Variants in ZNF804A observed in about 807,000 individuals in gnomAD.
ZNF804A encodes zinc finger protein 804A.
In ZNF804A, 2 loss-of-function variants were observed where a neutral mutation model predicts 16.5. That is an observed-to-expected ratio of 0.12 (90% CI 0.05 to 0.38). The LOEUF (loss-of-function observed/expected upper bound fraction) is 0.38. Ranked by LOEUF, ZNF804A falls within the 10% of genes least tolerant of loss-of-function variation. ZNF804A has a pLI of 0.99. For missense variants in ZNF804A, 1,473 were observed against 1,390.7 expected (o/e 1.06, Z -0.94); for synonymous variants, 534 against 489.6 (o/e 1.09, Z -1.20).
In ZNF804A at chr2:184,900,699, G is replaced by A. The variant is rs141364227; in HGVS notation, c.256-32904G>A. On this transcript the variant is annotated intron_variant, in intron 2 of 3. Transcript: ENST00000302277. Reference sequence around the variant, plus strand: ...AGGGCAGTTAGCCAGAGAAGACTGGGAATGCTTTGGGGACTGTGATACAGG... The same window carrying A: ...AGGGCAGTTAGCCAGAGAAGACTGGAAATGCTTTGGGGACTGTGATACAGG... Among the ~76,000 whole-genome samples, 172 of 152,228 alleles carry A rather than the reference G, an allele frequency of 1.1e-3. 1 individual carries two copies. The highest frequency in any genetic ancestry group is 4.2e-3 in the Admixed American group (64 of 15,276).
intron 1 of ZNF804A, among the ~76,000 whole-genome samples, chr2:184,740,284 T>G (rs549304347): frequency 3.3e-5 from 5 of 152,310 alleles, no homozygotes; most frequent in Non-Finnish European, 7.4e-5. Flanking sequence ...GGTGAATATA[T>G]TTTAGAAATG....
chr2:184,924,858 C>T (rs994570844), intron 2 of ZNF804A, among the ~76,000 whole-genome samples: 1 of 151,604 alleles, frequency 6.6e-6, no homozygotes, highest in South Asian at 2.1e-4. Context: ...TCCAAAATTC[C>T]TCCTTTTATT....
rs145375645 is a variant in ZNF804A, at chr2:184,832,299, T to C, written c.112-34070T>C. On this transcript the variant is annotated intron_variant, in intron 1 of 3. Coordinates refer to ENST00000302277, the MANE Select transcript of ZNF804A (RefSeq NM_194250.2). ...GCTATGTGCTTAAAGAATGCTGACT[T>C]ATATGACTCCTTTAGGAGTCAAGAA... Among the ~76,000 whole-genome samples, 396 of 152,142 alleles carry C rather than the reference T, an allele frequency of 2.6e-3. 1 individual carries two copies. Among genetic ancestry groups the C allele is most frequent in the African/African-American group, 9.1e-3 (377 of 41,568 alleles).
intron 2 of ZNF804A, among the ~76,000 whole-genome samples, chr2:184,931,289 C>G (rs1685697301): frequency 6.6e-6 from 1 of 152,230 alleles, no homozygotes; most frequent in Non-Finnish European, 1.5e-5. Flanking sequence ...ACTCACATTT[C>G]CCTTCTGCAC....
chr2:184,667,913 T>C (rs1410742530), intron 1 of ZNF804A, among the ~76,000 whole-genome samples: 1 of 151,858 alleles, frequency 6.6e-6, no homozygotes, highest in Non-Finnish European at 1.5e-5. Context: ...TTATTAAGTC[T>C]ATTTCAAAAT....
intron 1 of ZNF804A, among the ~76,000 whole-genome samples, chr2:184,696,201 G>T (rs1484450002): frequency 1.3e-5 from 2 of 152,046 alleles, no homozygotes; most frequent in Non-Finnish European, 2.9e-5. Context: ...CTAAGAATCA[G>T]GTGAGAGAAT....
intron 1 of ZNF804A, among the ~76,000 whole-genome samples, chr2:184,758,959 A>G (rs1429374599): frequency 2.6e-5 from 4 of 152,000 alleles, no homozygotes; most frequent in Middle Eastern, 3.5e-3. Context: ...ATTTTTTGTC[A>G]GGAGATACAT....
chr2:184,630,480 T>C (rs1368811979), intron 1 of ZNF804A, among the ~76,000 whole-genome samples: 1 of 152,160 alleles, frequency 6.6e-6, no homozygotes, highest in African/African-American at 2.4e-5. Flanking sequence ...AGAAGAAATA[T>C]TTTATAGAAA....
chr2:184,763,857 T>C (rs538657331), intron 1 of ZNF804A, among the ~76,000 whole-genome samples: 5 of 151,922 alleles, frequency 3.3e-5, no homozygotes, highest in African/African-American at 9.7e-5. Context: ...TTAGCCAAGA[T>C]AGCCTCGATC....
At chr2:184,847,670 G>A (rs1695541151) in intron 1 of ZNF804A, among the ~76,000 whole-genome samples, 1 of 151,888 alleles carries the variant, frequency 6.6e-6, no homozygotes, top group Admixed American at 6.6e-5. Context: ...ACACCAACTG[G>A]GTTAATGTCA....
At chr2:184,809,384 G>A (rs969539858) in intron 1 of ZNF804A, among the ~76,000 whole-genome samples, 40 of 151,766 alleles carry the variant, frequency 2.6e-4, no homozygotes, top group Non-Finnish European at 3.1e-4. Flanking sequence ...CCTGATATAA[G>A]CCAATATTAA....
In ZNF804A at chr2:184,938,666, A is replaced by T; in HGVS notation, c.3270A>T (p.Leu1090Phe). ...AGCCTTTGCCTTTGCAGCAGTCCTT[A>T]TGTTCTACCTCTGTAACCACTATCC... The part of the protein sequence containing the change: ...PLQPLPLQQS[L>F]CSTSVTTIHH... The change falls in exon 4 of 4, where the codon TTA (leucine) becomes TTT (phenylalanine). Residue 1090 changes from leucine (L) to phenylalanine (F), a missense_variant. Leu to Phe is a conservative substitution (Grantham distance 22). Coordinates refer to ENST00000302277, the MANE Select transcript of ZNF804A (RefSeq NM_194250.2). 1 of 1,613,590 alleles carries T rather than the reference A, an allele frequency of 6.2e-7. No homozygotes were observed. The highest frequency in any genetic ancestry group is 8.5e-7 in the Non-Finnish European group (1 of 1,179,880).
chr2:184,768,468 T>C (rs2105767214), intron 1 of ZNF804A, among the ~76,000 whole-genome samples: 1 of 152,210 alleles, frequency 6.6e-6, no homozygotes, highest in Non-Finnish European at 1.5e-5. Flanking sequence ...AAAGATGAAA[T>C]TTAATTTCAA....
chr2:184,628,909 AT>A (rs1333959941), intron 1 of ZNF804A, among the ~76,000 whole-genome samples: 3 of 152,158 alleles, frequency 2.0e-5, no homozygotes, highest in Non-Finnish European at 4.4e-5. Context: ...CAAATAATAC[AT>A]TTTTTACACA....
chr2:184,862,904 T>C (rs897641147), intron 1 of ZNF804A, among the ~76,000 whole-genome samples: 1 of 152,150 alleles, frequency 6.6e-6, no homozygotes, highest in African/African-American at 2.4e-5. Context: ...TTGTGGTTTC[T>C]CTACTGTTTT....
intron 1 of ZNF804A, among the ~76,000 whole-genome samples, chr2:184,828,775 T>C (rs1183204593): frequency 1.3e-5 from 2 of 151,898 alleles, no homozygotes; most frequent in Non-Finnish European, 2.9e-5. Context: ...TAGAGCTTAG[T>C]AGCTTGATAT....
At chr2:184,703,647 G>A (rs542165046) in intron 1 of ZNF804A, among the ~76,000 whole-genome samples, 2 of 127,208 alleles carry the variant, frequency 1.6e-5, no homozygotes, top group Admixed American at 1.1e-4. Context: ...CCGAGATTGC[G>A]CCACTGCACT....
intron 1 of ZNF804A, among the ~76,000 whole-genome samples, chr2:184,794,736 AC>A (rs1176543961): frequency 4.6e-5 from 7 of 152,134 alleles, no homozygotes; most frequent in African/African-American, 1.7e-4. Context: ...GAATTTACCA[AC>A]CAACTATCTG....
At chr2:184,720,406 A>G (rs1559134644) in intron 1 of ZNF804A, among the ~76,000 whole-genome samples, 1 of 152,328 alleles carries the variant, frequency 6.6e-6, no homozygotes, top group South Asian at 2.1e-4. Flanking sequence ...TAAATTCAGG[A>G]AAATTGCAGG....
Sources: allele counts gnomAD v4.1 joint callset (sites outside exome capture counted in the v4.1 genomes callset), GRCh38; gene constraint gnomAD v4.1.1; transcripts MANE v1.5; gene names NCBI Gene and HGNC (gene_info 2026-07-23, HGNC 2026-07-21).